TTC28: variants seen among roughly 807,000 people sequenced by gnomAD.
TTC28 encodes the protein tetratricopeptide repeat domain 28, also known as tetratricopeptide repeat protein 28.
Under a neutral mutation model 198.0 loss-of-function variants are expected in TTC28, and 61 were observed. The observed-to-expected ratio is 0.31, with a 90% CI of 0.25 to 0.38. TTC28 has a LOEUF of 0.38. Among genes scored for constraint, TTC28 ranks in the 10% least tolerant of loss-of-function variants. TTC28 has a pLI of 1.00. For missense variants in TTC28, 2,678 were observed against 3,164.0 expected (o/e 0.85, Z 3.69); for synonymous variants, 1,171 against 1,297.8 (o/e 0.90, Z 2.10).
intron 2 of TTC28, among the ~76,000 whole-genome samples, chr22:28,330,579 A>G (rs936898599): frequency 2.0e-5 from 3 of 152,182 alleles, no homozygotes; most frequent in Non-Finnish European, 4.4e-5. Flanking sequence ...ATTAAAACTT[A>G]CTATTTTCTA....
chr22:28,669,678 A>G (rs2051847763), intron 1 of TTC28, among the ~76,000 whole-genome samples: 1 of 152,192 alleles, frequency 6.6e-6, no homozygotes, highest in African/African-American at 2.4e-5. Flanking sequence ...AGTTACTTAT[A>G]ATCCAATTTA....
At position 27,983,163 on chromosome 22, in the gene TTC28, C is replaced by T. The variant is rs1208640950; in HGVS notation, c.6504G>A (p.Glu2168=). 1 of 1,551,862 alleles carries T rather than the reference C, an allele frequency of 6.4e-7. No individual in the cohort carries two copies. The highest frequency in any genetic ancestry group is 1.2e-5 in the South Asian group (1 of 84,062). Residue 2168 remains glutamate (E), a synonymous_variant, in exon 23 of 23, where the codon GAG becomes GAA. Coordinates refer to ENST00000397906, the MANE Select transcript of TTC28 (RefSeq NM_001145418.2). ...DPQELAQKIL[E]ETQSHLIAVE... is the part of the protein sequence containing the mutation. Reference sequence around the variant, plus strand: ...CCGCAATGAGATGACTCTGTGTCTCCTCCAGAATTTTCTGGGCTAACTCTT... The same window carrying T: ...CCGCAATGAGATGACTCTGTGTCTCTTCCAGAATTTTCTGGGCTAACTCTT...
chr22:28,470,146 A>G (rs955868490), intron 2 of TTC28, among the ~76,000 whole-genome samples: 5 of 152,218 alleles, frequency 3.3e-5, no homozygotes, highest in Non-Finnish European at 5.9e-5. Context: ...CACTCAGCCT[A>G]GAATTTTAGA....
chr22:28,322,858 G>C (rs1478366757), intron 2 of TTC28, among the ~76,000 whole-genome samples: 1 of 152,152 alleles, frequency 6.6e-6, no homozygotes, highest in Non-Finnish European at 1.5e-5. Flanking sequence ...AGAAGAATCT[G>C]TTTCTTGCTT....
At chr22:28,565,018 T>C (rs533399625) in intron 2 of TTC28, among the ~76,000 whole-genome samples, 24 of 151,810 alleles carry the variant, frequency 1.6e-4, no homozygotes, top group African/African-American at 5.8e-4. Flanking sequence ...AGTTGACCAA[T>C]AGCCATCATC....
intron 9 of TTC28, among the ~76,000 whole-genome samples, chr22:28,100,666 C>G (rs777734011): frequency 7.9e-5 from 12 of 152,160 alleles, no homozygotes; most frequent in Non-Finnish European, 1.6e-4. Context: ...TGGATGAGTG[C>G]GTGATCTTAG....
At chr22:27,993,243 C>T in intron 18 of TTC28, 44 bp downstream of exon 18, 3 of 1,446,880 alleles carry the variant, frequency 2.1e-6, no homozygotes, top group Non-Finnish European at 2.7e-6. Context: ...GTTCCACCTG[C>T]TGTCAGCCAG....
At chr22:28,654,055 G>A (rs541657146) in intron 1 of TTC28, among the ~76,000 whole-genome samples, 11 of 152,290 alleles carry the variant, frequency 7.2e-5, no homozygotes, top group African/African-American at 2.6e-4. Flanking sequence ...TGAGAGAGAA[G>A]AGAGAAGGAT....
At chr22:28,227,336 C>T (rs747792513) in intron 5 of TTC28, among the ~76,000 whole-genome samples, 10 of 152,156 alleles carry the variant, frequency 6.6e-5, no homozygotes, top group Non-Finnish European at 1.5e-4. Context: ...TTCTGCAATG[C>T]TTTCTTAAAT....
rs574410525 is a variant in TTC28 at position 28,019,503 on chromosome 22, C to T, written c.4074-5111G>A. Among the ~76,000 whole-genome samples, 8 of 152,330 alleles carry T rather than the reference C, an allele frequency of 5.3e-5. No individual in the cohort carries two copies. The South Asian group carries it at 1.7e-3, about 32-fold the overall frequency. On this transcript the variant is annotated intron_variant, in intron 13 of 22. Coordinates refer to ENST00000397906, the MANE Select transcript of TTC28 (RefSeq NM_001145418.2). ...GTGGCGTGGTTTTGGGCCTCTGAGT[C>T]ACAGCTGGCTGGCAGCAGGCACCCC... is the stretch of plus-strand genomic sequence containing the variant.
chr22:28,077,069 A>G (rs2146793798), intron 12 of TTC28, among the ~76,000 whole-genome samples: 1 of 152,342 alleles, frequency 6.6e-6, no homozygotes, highest in Non-Finnish European at 1.5e-5. Context: ...TCTATTATGT[A>G]GCCACTATCT....
rs13057750 is a variant in TTC28, at chr22:28,632,254, T to A, written c.103-2424A>T. Among the ~76,000 whole-genome samples the A allele has an allele frequency of 1.1e-4, 4 of 35,366 alleles. No individual in the cohort carries two copies. In the Admixed American group the frequency reaches 1.2e-3, roughly 11 times the overall value. The allele number at this position is 35,366 out of a possible 152,430, so 23.2% of individuals were successfully genotyped here. ...TATCAGTGTCCAAGTTATATTCAAC[T>A]TTTTTTTTTTTTTTTTTTTTTTTTT... is the stretch of plus-strand genomic sequence containing the variant. On this transcript the variant is annotated intron_variant, in intron 1 of 22. Coordinates refer to ENST00000397906, the MANE Select transcript of TTC28 (RefSeq NM_001145418.2).
At chr22:28,555,423 C>CA (rs913160743) in intron 2 of TTC28, among the ~76,000 whole-genome samples, 3 of 152,034 alleles carry the variant, frequency 2.0e-5, no homozygotes, top group African/African-American at 7.2e-5. Context: ...TTTCTAATTG[C>CA]AAAAATACGG....
intron 22 of TTC28, among the ~76,000 whole-genome samples, chr22:27,984,214 G>A (rs1406790267): frequency 1.3e-5 from 2 of 152,108 alleles, no homozygotes; most frequent in Admixed American, 1.3e-4. Flanking sequence ...GCTGGGGCAT[G>A]TGAGCAGTCT....
At chr22:28,199,972 C>T (rs1479338551) in intron 5 of TTC28, among the ~76,000 whole-genome samples, 2 of 151,936 alleles carry the variant, frequency 1.3e-5, no homozygotes, top group African/African-American at 4.8e-5. Context: ...AAAACATTAA[C>T]AATAATTATC....
intron 2 of TTC28, among the ~76,000 whole-genome samples, chr22:28,397,645 A>T (rs190224379): frequency 3.1e-3 from 468 of 152,292 alleles, no homozygotes; most frequent in Middle Eastern, 0.014. Flanking sequence ...TGCTGTTTTG[A>T]GTCTTTTATT....
At chr22:28,161,820 AGGAGGGAGGGAG>A (rs1371857752) in intron 6 of TTC28, among the ~76,000 whole-genome samples, 1 of 122,748 alleles carries the variant, frequency 8.1e-6, no homozygotes, top group South Asian at 3.2e-4. Flanking sequence ...GAAGGAGGGA[AGGAGGGAGGGAG>A]GGGAAGGAAG....
chr22:28,371,905 T>A (rs1233471008), intron 2 of TTC28, among the ~76,000 whole-genome samples: 1 of 150,424 alleles, frequency 6.6e-6, no homozygotes, highest in Non-Finnish European at 1.5e-5. Context: ...ATTTTTTTAA[T>A]GAATTTTTTT....
chr22:27,982,500 C>CCTTTTGGGA lies in TTC28; in HGVS notation c.7166_7167insTCCCAAAAG (p.Lys2388_Arg2389insSerProLys). 6.4e-7 allele frequency: 1 copy of CCTTTTGGGA among 1,551,582 alleles called. No individual in the cohort carries two copies. The highest frequency in any genetic ancestry group is 8.7e-7 in the Non-Finnish European group (1 of 1,146,992). Reference sequence around the variant, plus strand: ...ACAAATTCAACAGACTGAGGACATCCCTTTTGGAAGTCATCGTGCCAGGAG... The same window carrying CCTTTTGGGA: ...ACAAATTCAACAGACTGAGGACATCCCTTTTGGGACTTTTGGAAGTCATCGTGCCAGGAG... On this transcript the variant is annotated inframe_insertion, in exon 23 of 23. Coordinates refer to ENST00000397906, the MANE Select transcript of TTC28 (RefSeq NM_001145418.2). The surrounding 1 kb of genome is among the most constrained non-coding windows in gnomAD (Gnocchi z 5.2).
Sources: gnomAD v4.1 joint callset for allele counts (sites outside exome capture counted in the v4.1 genomes callset) on GRCh38, gnomAD v4.1.1 for gene constraint, Gnocchi (gnomAD v3.1) non-coding constraint, MANE v1.5 for transcripts, NCBI Gene and HGNC (gene_info 2026-07-23, HGNC 2026-07-21) for gene names.